Variants in FARS2 observed in about 807,000 individuals in gnomAD.
FARS2 encodes phenylalanyl-tRNA synthetase 2, mitochondrial.
A neutral mutation model predicts 46.4 loss-of-function variants in FARS2; 40 were observed. That is an observed-to-expected ratio of 0.86 (90% CI 0.67 to 1.12). FARS2 has a LOEUF of 1.12. Among genes scored for constraint, FARS2 ranks in the 50% most tolerant of loss-of-function variants. The pLI is 0.00. For synonymous variants in FARS2, 234 were observed against 214.9 expected, an observed-to-expected ratio of 1.09 and a Z score of -0.78; for missense variants, 513 against 567.9, an observed-to-expected ratio of 0.90 and a Z score of 0.98.
At chr6:5,470,298 A>T (rs1371217601) in intron 4 of FARS2, among the ~76,000 whole-genome samples, 1 of 152,248 alleles carries the variant, frequency 6.6e-6, no homozygotes, top group Non-Finnish European at 1.5e-5. Flanking sequence ...TATGTTTTAT[A>T]AGTAGACGTA....
intron 6 of FARS2, among the ~76,000 whole-genome samples, chr6:5,618,846 T>C (rs541810407): frequency 1.3e-5 from 2 of 152,298 alleles, no homozygotes; most frequent in Middle Eastern, 3.4e-3. Flanking sequence ...CCATGTCCTT[T>C]GACATCTTTG....
chr6:5,347,487 G>A (rs1362904370), intron 1 of FARS2, among the ~76,000 whole-genome samples: 1 of 151,904 alleles, frequency 6.6e-6, no homozygotes, highest in Non-Finnish European at 1.5e-5. Flanking sequence ...ATTCATCCAC[G>A]TTGTGTGTAT....
chr6:5,532,783 T>TAATAATAAGAAG (rs894517533), intron 4 of FARS2, among the ~76,000 whole-genome samples: 7 of 138,668 alleles, frequency 5.0e-5, no homozygotes, highest in African/African-American at 2.1e-4. Context: ...ATAATAATAA[T>TAATAATAAGAAG]AAGAAGAAGA....
rs1776693426 is a variant in FARS2 at position 5,639,324 on chromosome 6, A to C, written c.1217+26004A>C. On this transcript the variant is annotated intron_variant, in intron 6 of 6. Transcript: ENST00000274680. ...CCCAGTCTCTCTGCCTTTGCATTTCAAGTCCCATCATGGGAGTTACCACTT... is the reference window on the plus strand; with the variant it reads ...CCCAGTCTCTCTGCCTTTGCATTTCCAGTCCCATCATGGGAGTTACCACTT... Among the ~76,000 whole-genome samples the C allele has an allele frequency of 2.6e-5, 4 of 152,214 alleles. No individual in the cohort carries two copies. In the South Asian group the frequency reaches 8.3e-4, roughly 32 times the overall value.
At chr6:5,757,792 T>C (rs1762285129) in intron 6 of FARS2, among the ~76,000 whole-genome samples, 1 of 152,212 alleles carries the variant, frequency 6.6e-6, no homozygotes, top group South Asian at 2.1e-4. Flanking sequence ...TGAGATCATG[T>C]GGGTACAAGG....
At chr6:5,363,337 C>T (rs1422501943) in intron 1 of FARS2, among the ~76,000 whole-genome samples, 8 of 152,082 alleles carry the variant, frequency 5.3e-5, no homozygotes. Context: ...TACTTTTTCC[C>T]ATTCTGTGAG....
intron 6 of FARS2, among the ~76,000 whole-genome samples, chr6:5,718,681 T>C (rs1168586688): frequency 1.3e-5 from 2 of 152,140 alleles, no homozygotes; most frequent in Non-Finnish European, 2.9e-5. Context: ...TCCCTCCCAA[T>C]TTGCAGCTTC....
chr6:5,255,739 A>C, the FARS2 span, among the ~76,000 whole-genome samples: 2 of 151,958 alleles, frequency 1.3e-5, no homozygotes, highest in Non-Finnish European at 2.9e-5. Flanking sequence ...GCATGACCAA[A>C]CTTTTGGGCC....
chr6:5,732,812 C>CCTTCAAAAAA (rs1760721234), intron 6 of FARS2, among the ~76,000 whole-genome samples: 1 of 144,750 alleles, frequency 6.9e-6, no homozygotes, highest in African/African-American at 2.5e-5. Flanking sequence ...TCATATCCTT[C>CCTTCAAAAAA]AAAAAAAAAA....
intron 1 of FARS2, among the ~76,000 whole-genome samples, chr6:5,308,978 A>G (rs902830068): frequency 2.0e-5 from 3 of 152,098 alleles, no homozygotes; most frequent in Admixed American, 2.0e-4. Context: ...CACTAATTCT[A>G]TTCATAAGGG....
chr6:5,474,387 A>T (rs1241211879), intron 4 of FARS2, among the ~76,000 whole-genome samples: 1 of 152,202 alleles, frequency 6.6e-6, no homozygotes, highest in Admixed American at 6.5e-5. Flanking sequence ...TAGAGATAAG[A>T]TATACAGTCA....
chr6:5,421,376 G>T (rs1762540310), intron 3 of FARS2, among the ~76,000 whole-genome samples: 1 of 152,208 alleles, frequency 6.6e-6, no homozygotes, highest in Non-Finnish European at 1.5e-5. Context: ...GAGAAGGGCT[G>T]CCACAAAGAC....
At chr6:5,491,823 T>A (rs995424574) in intron 4 of FARS2, among the ~76,000 whole-genome samples, 4 of 152,228 alleles carry the variant, frequency 2.6e-5, no homozygotes, top group Non-Finnish European at 5.9e-5. Flanking sequence ...CACATGTAAG[T>A]ATAAAGCACA....
At chr6:5,596,548 T>G (rs1774211972) in intron 5 of FARS2, among the ~76,000 whole-genome samples, 1 of 152,240 alleles carries the variant, frequency 6.6e-6, no homozygotes, top group Non-Finnish European at 1.5e-5. Context: ...ATTAAAGGGC[T>G]TGGAATTTTA....
chr6:5,466,477 A>G (rs1765520480), intron 4 of FARS2: 1 of 963,370 alleles, frequency 1.0e-6, no homozygotes, highest in Non-Finnish European at 1.2e-6. Context: ...AGCTCTGAAA[A>G]CATAATAAAT....
At chr6:5,702,519 A>G (rs1384454598) in intron 6 of FARS2, among the ~76,000 whole-genome samples, 2 of 152,230 alleles carry the variant, frequency 1.3e-5, no homozygotes, top group Middle Eastern at 3.2e-3. Flanking sequence ...GTTGTAATCC[A>G]TAATGTTTCT....
chr6:5,483,625 T>G (rs1438044783), intron 4 of FARS2, among the ~76,000 whole-genome samples: 1 of 150,990 alleles, frequency 6.6e-6, no homozygotes, highest in Non-Finnish European at 1.5e-5. Flanking sequence ...CAAAATTGAG[T>G]CATTGTACTC....
In FARS2 at chr6:5,561,364, G is replaced by A. The variant is rs188893116; in HGVS notation, c.1065+16024G>A. Among the ~76,000 whole-genome samples, 17 of 152,126 alleles carry A rather than the reference G, an allele frequency of 1.1e-4. 1 individual carries two copies. The highest frequency in any genetic ancestry group is 7.9e-4 in the Admixed American group (12 of 15,284). The stretch of plus-strand genomic sequence containing the variant: ...AGTATTTGTTTCTGTGAGGGGTTAT[G>A]AGTGGTACATTCTTTTGGTCTTTGT... On this transcript the variant is annotated intron_variant, in intron 5 of 6. Coordinates refer to ENST00000274680, the MANE Select transcript of FARS2 (RefSeq NM_006567.5).
At chr6:5,300,862 T>G (rs1371752843) in intron 1 of FARS2, among the ~76,000 whole-genome samples, 1 of 151,892 alleles carries the variant, frequency 6.6e-6, no homozygotes, top group East Asian at 1.9e-4. Context: ...AAAAATTTTT[T>G]TTTGTAGAGA....
Sources: gnomAD v4.1 joint callset for allele counts (sites outside exome capture counted in the v4.1 genomes callset) on GRCh38, gnomAD v4.1.1 for gene constraint, MANE v1.5 for transcripts, NCBI Gene and HGNC (gene_info 2026-07-23, HGNC 2026-07-21) for gene names.